AFAP1L2: variants seen among roughly 807,000 people sequenced by gnomAD.
AFAP1L2 encodes the protein actin filament-associated protein 1-like 2.
AFAP1L2 carries 46 observed loss-of-function variants against 99.3 expected under a neutral mutation model. That is an observed-to-expected ratio of 0.46 (90% CI 0.37 to 0.59). The LOEUF (loss-of-function observed/expected upper bound fraction) is 0.59. Among genes scored for constraint, AFAP1L2 ranks in the 20% least tolerant of loss-of-function variants. The pLI, the probability that AFAP1L2 is intolerant of heterozygous loss-of-function variation, is 0.00. For synonymous variants in AFAP1L2, 397 were observed against 419.1 expected, an observed-to-expected ratio of 0.95 and a Z score of 0.64; for missense variants, 959 against 1,034.9, an observed-to-expected ratio of 0.93 and a Z score of 1.01.
At chr10:114,291,097 C>G (rs529333407), downstream of AFAP1L2, 531 of 1,180,972 alleles carry the variant, frequency 4.5e-4, no homozygotes, top group Non-Finnish European at 5.9e-4. Flanking sequence ...CTGGCATCTT[C>G]TGCTGGGGGC....
intron 5 of AFAP1L2, among the ~76,000 whole-genome samples, chr10:114,318,892 G>T (rs1255187793): frequency 6.6e-6 from 1 of 152,084 alleles, no homozygotes; most frequent in Non-Finnish European, 1.5e-5. Context: ...GGTGGCTCAT[G>T]CCTGTAATTC....
Position 114,315,644 on chromosome 10 carries a change from G to A in AFAP1L2, c.528C>T (p.Ala176=). ...TGCGCCACAGGAAGGCGCAGATGCG[G>A]GCGTCACGCATCAGCTCGATGCCGG... The part of the protein sequence containing the change: ...PEAGIELMRD[A]RICAFLWRKK... Residue 176 remains alanine, a synonymous_variant, in exon 6 of 19, where the codon GCC becomes GCT. Transcript: ENST00000304129. The A allele has an allele frequency of 6.2e-7, 1 of 1,614,028 alleles. No individual in the cohort carries two copies. Among genetic ancestry groups the A allele is most frequent in the Non-Finnish European group, 8.5e-7 (1 of 1,180,026 alleles).
intron 5 of AFAP1L2, among the ~76,000 whole-genome samples, chr10:114,320,396 C>T (rs61605959): frequency 0.019 from 2,865 of 152,320 alleles, 95 homozygotes; most frequent in African/African-American, 0.066. Flanking sequence ...TGGGGCCCCA[C>T]GCCTATTCCT....
chr10:114,299,539 C>A, intron 15 of AFAP1L2, 124 bp from the exon 16 acceptor site: 1 of 1,129,038 alleles, frequency 8.9e-7, no homozygotes, highest in Non-Finnish European at 1.3e-6. Flanking sequence ...GGCTGGATGC[C>A]AGACCTGGAC....
At chr10:114,297,615 C>G (rs550816094) in intron 16 of AFAP1L2, among the ~76,000 whole-genome samples, 5 of 152,178 alleles carry the variant, frequency 3.3e-5, no homozygotes, top group Admixed American at 6.5e-5. Flanking sequence ...GGCTGGGAGG[C>G]TCTTGGGGAG....
At chr10:114,341,378 C>G (rs2048800632) in intron 1 of AFAP1L2, among the ~76,000 whole-genome samples, 1 of 152,112 alleles carries the variant, frequency 6.6e-6, no homozygotes, top group Non-Finnish European at 1.5e-5. Context: ...CTTTGGGAGG[C>G]TGAGGCGGGT....
At chr10:114,333,157 G>A (rs2047467064) in intron 3 of AFAP1L2, 64 bp downstream of exon 3, 1 of 1,456,268 alleles carries the variant, frequency 6.9e-7, no homozygotes, top group Admixed American at 1.7e-5. Flanking sequence ...GACAGAACCA[G>A]CTTGGACCTT....
At chr10:114,384,683 C>T (rs927806823) in intron 1 of AFAP1L2, among the ~76,000 whole-genome samples, 61 of 152,264 alleles carry the variant, frequency 4.0e-4, no homozygotes, top group Non-Finnish European at 2.5e-4. Flanking sequence ...GGGAGCCCAG[C>T]AGCACCGGTT....
chr10:114,327,147 T>TTTTATATATATATATATATA (rs1364666260), intron 4 of AFAP1L2, among the ~76,000 whole-genome samples: 3 of 54,572 alleles, frequency 5.5e-5, no homozygotes, highest in Non-Finnish European at 9.7e-5. Context: ...TTATATATAT[T>TTTTATATATATATATATATA]TATATATATA....
intron 8 of AFAP1L2, among the ~76,000 whole-genome samples, chr10:114,309,575 G>A (rs1430182242): frequency 6.6e-6 from 1 of 152,000 alleles, no homozygotes; most frequent in African/African-American, 2.4e-5. Context: ...TCCTCCTTTT[G>A]GCCAGAACCT....
chr10:114,404,457 G>C lies in AFAP1L2; in HGVS notation c.-2C>G, dbSNP rs1257324460. 1.9e-6 allele frequency: 3 copies of C among 1,540,202 alleles called. No homozygotes were observed. The highest frequency in any genetic ancestry group is 1.2e-5 in the South Asian group (1 of 83,882). On this transcript the variant is annotated 5_prime_UTR_variant, in exon 1 of 19. Coordinates refer to ENST00000304129, the MANE Select transcript of AFAP1L2 (RefSeq NM_001001936.3). ...GCCCTCACCTTTGTACCGCTCCATC[G>C]GGGCCACGGAGTGCGCTCCTCGCGG...
At chr10:114,374,827 G>A in intron 1 of AFAP1L2, among the ~76,000 whole-genome samples, 1 of 137,596 alleles carries the variant, frequency 7.3e-6, no homozygotes, top group Non-Finnish European at 1.6e-5. Context: ...AGGAATGGAG[G>A]ATGGGGGCAG....
chr10:114,315,874 C>T (rs979410481), intron 5 of AFAP1L2, 109 bp from the exon 6 acceptor site: 8 of 1,074,638 alleles, frequency 7.4e-6, no homozygotes, highest in African/African-American at 4.7e-5. Flanking sequence ...GACCACAGCC[C>T]CCGACTCTCC....
chr10:114,376,785 T>C (rs1590706958), intron 1 of AFAP1L2, among the ~76,000 whole-genome samples: 1 of 152,100 alleles, frequency 6.6e-6, no homozygotes, highest in East Asian at 1.9e-4. Context: ...TTCAACACTA[T>C]CCAAGGGATA....
At chr10:114,281,710 G>A in the AFAP1L2 span, 1 of 984,904 alleles carries the variant, frequency 1.0e-6, no homozygotes, top group Non-Finnish European at 1.2e-6. Context: ...GAGGGGCGGG[G>A]CTGGGGCACT....
chr10:114,321,582 G>C (rs543467483), intron 5 of AFAP1L2, among the ~76,000 whole-genome samples: 1 of 152,282 alleles, frequency 6.6e-6, no homozygotes, highest in East Asian at 1.9e-4. Context: ...CCTCAGCCTA[G>C]TTCATTCCCA....
chr10:114,394,997 G>A lies in AFAP1L2; in HGVS notation c.16+9443C>T, dbSNP rs2057542110. 1.3e-5 allele frequency among the ~76,000 whole-genome samples: 2 copies of A among 152,088 alleles called. 1 individual carries two copies. Among genetic ancestry groups the A allele is most frequent in the Non-Finnish European group, 2.9e-5 (2 of 68,018 alleles). On this transcript the variant is annotated intron_variant, in intron 1 of 18. Transcript: ENST00000304129. ...GCCACGATCCTCAGCCACAATTCCG[G>A]TAACATCAACGGTAGGGACCCCATC...
At chr10:114,355,283 C>T (rs566353889) in intron 1 of AFAP1L2, among the ~76,000 whole-genome samples, 1 of 140,076 alleles carries the variant, frequency 7.1e-6, no homozygotes, top group South Asian at 2.2e-4. Context: ...GAGACGGAGT[C>T]TCACTCTGTT....
At chr10:114,340,807 C>T in intron 1 of AFAP1L2, 76 bp from the exon 2 acceptor site, 1 of 1,597,482 alleles carries the variant, frequency 6.3e-7, no homozygotes, top group Non-Finnish European at 8.6e-7. Context: ...CCTCGGGACC[C>T]TGCAGCCTCC....
Sources: allele counts gnomAD v4.1 joint callset (sites outside exome capture counted in the v4.1 genomes callset), GRCh38; gene constraint gnomAD v4.1.1; transcripts MANE v1.5; gene names NCBI Gene and HGNC (gene_info 2026-07-23, HGNC 2026-07-21).